PMEPA1: variants seen among roughly 807,000 people sequenced by gnomAD.
PMEPA1 encodes protein TMEPAI.
PMEPA1 carries 11 observed loss-of-function variants against 23.0 expected under a neutral mutation model. That is an observed-to-expected ratio of 0.48 (90% CI 0.30 to 0.79). The LOEUF is 0.79. Ranked by LOEUF, PMEPA1 falls within the 30% of genes least tolerant of loss-of-function variation. The pLI is 0.06. For synonymous variants in PMEPA1, 204 were observed against 166.4 expected, an observed-to-expected ratio of 1.23 and a Z score of -1.74; for missense variants, 377 against 390.9, an observed-to-expected ratio of 0.96 and a Z score of 0.30.
intron 1 of PMEPA1, among the ~76,000 whole-genome samples, chr20:57,697,442 TG>T (rs2071956182): frequency 6.6e-6 from 1 of 152,214 alleles, no homozygotes; most frequent in African/African-American, 2.4e-5. Context: ...ATCTATACTT[TG>T]GAAGTCACTA....
intron 1 of PMEPA1, among the ~76,000 whole-genome samples, chr20:57,693,185 G>C (rs189049095): frequency 1.3e-5 from 2 of 152,270 alleles, no homozygotes; most frequent in East Asian, 3.9e-4. Context: ...CATTCCAGCC[G>C]ACCTGCAGTA....
At chr20:57,688,727 T>C (rs2071835135) in intron 1 of PMEPA1, among the ~76,000 whole-genome samples, 1 of 152,224 alleles carries the variant, frequency 6.6e-6, no homozygotes, top group Admixed American at 6.5e-5. Flanking sequence ...GGTACAGGCC[T>C]TGGATAGGCA....
chr20:57,673,035 C>T (rs984615110), intron 1 of PMEPA1, among the ~76,000 whole-genome samples: 1 of 152,182 alleles, frequency 6.6e-6, no homozygotes, highest in Non-Finnish European at 1.5e-5. Context: ...AAGTATCAGC[C>T]GCCAGTAAGA....
rs1858079117 is a variant in PMEPA1 at position 57,652,507 on chromosome 20, T to C, written c.410A>G (p.Tyr137Cys). ...GTCGATCTCGTGCTGCAGGTACGGA[T>C]AGGTGGGCTGGAAGCGGTGGAAGCG... The part of the protein sequence containing the change: ...RERFHRFQPT[Y>C]PYLQHEIDLP... Residue 137 changes from tyrosine (Y) to cysteine (C), a missense_variant, in exon 4 of 4, where the codon TAT (tyrosine) becomes TGT (cysteine). This residue lies in a region of PMEPA1 where 198 missense variants were observed against 196.3 expected (regional missense o/e 1.01). Transcript: ENST00000341744. This position sits in a 1 kb window ranked among gnomAD's most constrained non-coding sequence, Gnocchi z 6.1. 3.1e-6 allele frequency: 5 copies of C among 1,590,728 alleles called. No individual in the cohort carries two copies. In the South Asian group the frequency reaches 4.5e-5, roughly 14 times the overall value.
At chr20:57,654,106 C>T (rs2071292363) in intron 2 of PMEPA1, among the ~76,000 whole-genome samples, 2 of 152,180 alleles carry the variant, frequency 1.3e-5, no homozygotes, top group Non-Finnish European at 2.9e-5. Context: ...CTTCATGAAG[C>T]TTATGCCATC....
At chr20:57,695,034 C>G (rs1389169138) in intron 1 of PMEPA1, among the ~76,000 whole-genome samples, 1 of 152,260 alleles carries the variant, frequency 6.6e-6, no homozygotes, top group Non-Finnish European at 1.5e-5. Flanking sequence ...GCCCTTCAAA[C>G]ACCCACCTCA....
At chr20:57,705,924 A>G (rs1393395752) in intron 1 of PMEPA1, among the ~76,000 whole-genome samples, 1 of 152,160 alleles carries the variant, frequency 6.6e-6, no homozygotes, top group African/African-American at 2.4e-5. Context: ...TCAGAATGTC[A>G]CAGTGCCAAG....
In PMEPA1 at chr20:57,690,595, T is replaced by C. The variant is rs73298665; in HGVS notation, c.109+18879A>G. 3.3e-3 allele frequency: 4,114 copies of C among 1,233,268 alleles called. 109 individuals are homozygous for C. In the African/African-American group the frequency reaches 0.059, roughly 18 times the overall value. 76.4% of individuals were successfully genotyped at this position (1,233,268 alleles called of 1,614,324 possible). On this transcript the variant is annotated intron_variant, in intron 1 of 3. Transcript: ENST00000341744. ...TTGCTATGGCGGGTGTAGAGGGTCA[T>C]GTGCAAACAGGTGGCAGGGGCCTGG...
chr20:57,694,298 T>C (rs563767906), intron 1 of PMEPA1, among the ~76,000 whole-genome samples: 40 of 152,314 alleles, frequency 2.6e-4, no homozygotes, highest in African/African-American at 8.9e-4. Flanking sequence ...AGTACCCCAT[T>C]AAAGGCATTA....
chr20:57,706,567 C>T (rs2072092062), intron 1 of PMEPA1, among the ~76,000 whole-genome samples: 1 of 152,150 alleles, frequency 6.6e-6, no homozygotes, highest in Admixed American at 6.5e-5. Flanking sequence ...CCAGGAGTGT[C>T]CTGTTACAGT....
At chr20:57,662,581 C>A (rs973321923) in intron 1 of PMEPA1, among the ~76,000 whole-genome samples, 1 of 152,216 alleles carries the variant, frequency 6.6e-6, no homozygotes, top group Non-Finnish European at 1.5e-5. Context: ...TCCTGTCTCC[C>A]CAGACAGGCA....
chr20:57,690,700 G>C (rs1280098376), intron 1 of PMEPA1: 2 of 652,542 alleles, frequency 3.1e-6, no homozygotes, highest in Non-Finnish European at 4.3e-6. Flanking sequence ...TGAAGATCTG[G>C]CTTCTTCTGA....
chr20:57,665,397 C>T (rs2071478334), intron 1 of PMEPA1, among the ~76,000 whole-genome samples: 2 of 152,012 alleles, frequency 1.3e-5, no homozygotes, highest in East Asian at 1.9e-4. Context: ...CGCCCCCTGC[C>T]CCGGGAATCT....
Position 57,674,658 on chromosome 20 carries a change from A to G in PMEPA1, c.110-14961T>C, listed in dbSNP as rs1600646810. 2.6e-5 allele frequency among the ~76,000 whole-genome samples: 4 copies of G among 152,284 alleles called. No homozygotes were observed. In the South Asian group the frequency reaches 8.3e-4, roughly 32 times the overall value. On this transcript the variant is annotated intron_variant, in intron 1 of 3. Transcript: ENST00000341744. ...GCAGGGACGCCCAGGGGGATGTCTT[A>G]TTTTATTTTCCATGAAAGACATTTT...
intron 2 of PMEPA1, among the ~76,000 whole-genome samples, chr20:57,653,667 C>T (rs1018981788): frequency 1.3e-5 from 2 of 152,238 alleles, no homozygotes; most frequent in East Asian, 1.9e-4. Context: ...CACACTCCCA[C>T]CAGCCATGCT....
In PMEPA1 at chr20:57,651,850, T is replaced by C; in HGVS notation, c.*203A>G. The C allele has an allele frequency of 2.6e-6, 1 of 378,416 alleles. No individual in the cohort carries two copies. Among genetic ancestry groups the C allele is most frequent in the East Asian group, 3.9e-5 (1 of 25,924 alleles). The allele number at this position is 378,416 out of a possible 1,614,324, so 23.4% of individuals were successfully genotyped here. A position where few individuals can be genotyped will look rare whatever the true frequency, so the allele number is the denominator to read the frequency against. ...AAGAAACGTGGTTTTTTTTTTTCTT[T>C]TTTCTTTTTTTTTTTGCAAGCTCTC... On this transcript the variant is annotated 3_prime_UTR_variant, in exon 4 of 4. Transcript: ENST00000341744.
intron 2 of PMEPA1, 79 bp downstream of exon 2, chr20:57,659,464 T>C (rs577691795): frequency 9.6e-5 from 140 of 1,459,172 alleles, no homozygotes; most frequent in Non-Finnish European, 1.3e-4. Flanking sequence ...AACGCTGCCA[T>C]TGGATCCCGT....
chr20:57,672,003 G>C (rs2071574657), intron 1 of PMEPA1, among the ~76,000 whole-genome samples: 1 of 152,188 alleles, frequency 6.6e-6, no homozygotes, highest in African/African-American at 2.4e-5. Flanking sequence ...AATGAAACTG[G>C]AATGGTAAAT....
intron 2 of PMEPA1, among the ~76,000 whole-genome samples, chr20:57,658,893 G>C (rs2071365825): frequency 6.6e-6 from 1 of 152,200 alleles, no homozygotes; most frequent in Non-Finnish European, 1.5e-5. Context: ...CGGTGGGTAA[G>C]AGCCAAATGC....
Sources: gnomAD v4.1 joint callset for allele counts (sites outside exome capture counted in the v4.1 genomes callset) on GRCh38, gnomAD v4.1.1 for gene constraint, gnomAD v4.1.1 regional missense constraint, Gnocchi (gnomAD v3.1) non-coding constraint, MANE v1.5 for transcripts, NCBI Gene and HGNC (gene_info 2026-07-23, HGNC 2026-07-21) for gene names.